Variants in ZNF638 observed in about 807,000 individuals in gnomAD.
ZNF638 encodes CTCL tumor antigen se33-1.
ZNF638 carries 46 observed loss-of-function variants against 195.6 expected under a neutral mutation model. That is an observed-to-expected ratio of 0.24 (90% confidence interval 0.19 to 0.30). The LOEUF is 0.30. ZNF638 is among the 10% of genes least tolerant of loss of function. ZNF638 has a pLI of 1.00. For missense variants in ZNF638, 2,440 were observed against 2,325.3 expected, an observed-to-expected ratio of 1.05 and a Z score of -1.01; for synonymous variants, 845 against 772.0, an observed-to-expected ratio of 1.09 and a Z score of -1.57.
intron 21 of ZNF638, among the ~76,000 whole-genome samples, chr2:71,421,439 T>A (rs1486753693): frequency 3.3e-5 from 5 of 152,098 alleles, no homozygotes; most frequent in African/African-American, 1.2e-4. Context: ...AGGTTTAGGG[T>A]CAAGAGGTAT....
At position 71,434,111 on chromosome 2, in the gene ZNF638, TC is replaced by T. The variant is rs1227244381; in HGVS notation, c.5872-629del. Among the ~76,000 whole-genome samples, 3 of 152,322 alleles carry T rather than the reference TC, an allele frequency of 2.0e-5. No individual in the cohort carries two copies. The East Asian group carries it at 5.8e-4, about 29-fold the overall frequency. On this transcript the variant is annotated intron_variant, in intron 27 of 27. Transcript: ENST00000264447. ...GCTTCATATTGCACTTGGTCTAATA[TC>T]CAAACTTCTTATTTTGGGTCTTCAA...
At chr2:71,331,964 C>A (rs373958735) in intron 1 of ZNF638, 89 bp downstream of exon 1, 2 of 977,974 alleles carry the variant, frequency 2.0e-6, no homozygotes, top group Non-Finnish European at 1.2e-6. Flanking sequence ...AGATCCGGGC[C>A]GACTATTGTA....
chr2:71,428,002 G>C (rs2080574312), intron 24 of ZNF638, among the ~76,000 whole-genome samples: 1 of 151,986 alleles, frequency 6.6e-6, no homozygotes, highest in African/African-American at 2.4e-5. Flanking sequence ...CACCAGTCTG[G>C]GCAGCCTAGC....
intron 10 of ZNF638, among the ~76,000 whole-genome samples, chr2:71,394,546 A>G (rs1430083763): frequency 2.6e-5 from 4 of 152,142 alleles, no homozygotes; most frequent in South Asian, 4.1e-4. Context: ...ATTAATTACA[A>G]TATATCTAAT....
At chr2:71,346,939 G>A (rs1053989107) in intron 1 of ZNF638, among the ~76,000 whole-genome samples, 3 of 152,126 alleles carry the variant, frequency 2.0e-5, no homozygotes, top group Admixed American at 6.5e-5. Context: ...CAGGAGAATG[G>A]CTTGAACCCA....
chr2:71,394,368 T>G (rs1308270936), intron 10 of ZNF638, among the ~76,000 whole-genome samples: 1 of 152,060 alleles, frequency 6.6e-6, no homozygotes, highest in African/African-American at 2.4e-5. Context: ...ATAACATAAT[T>G]CCAGTAACAA....
intron 25 of ZNF638, 166 bp downstream of exon 25, chr2:71,428,817 T>C: frequency 1.9e-6 from 1 of 530,446 alleles, no homozygotes; most frequent in Non-Finnish European, 3.4e-6. Flanking sequence ...ATCTTTGTAA[T>C]GTAGAGAGAA....
At chr2:71,340,071 A>G (rs2078738692) in intron 1 of ZNF638, among the ~76,000 whole-genome samples, 1 of 152,200 alleles carries the variant, frequency 6.6e-6, no homozygotes, top group African/African-American at 2.4e-5. Context: ...GTTCTCATGG[A>G]GATCTCTTAA....
intron 3 of ZNF638, among the ~76,000 whole-genome samples, 166 bp from the exon 4 acceptor site, chr2:71,362,987 A>G (rs1282521722): frequency 1.3e-5 from 2 of 152,166 alleles, no homozygotes; most frequent in Non-Finnish European, 2.9e-5. Context: ...TTTCCCTGAT[A>G]CACCTATTAG....
intron 3 of ZNF638, among the ~76,000 whole-genome samples, chr2:71,360,168 A>G (rs1019950399): frequency 6.6e-6 from 1 of 152,244 alleles, no homozygotes; most frequent in Non-Finnish European, 1.5e-5. Context: ...TTTTCAGAAT[A>G]AAATATTGAA....
intron 4 of ZNF638, 147 bp from the exon 5 acceptor site, chr2:71,363,806 CA>C: frequency 1.1e-6 from 1 of 944,534 alleles, no homozygotes; most frequent in East Asian, 2.7e-5. Context: ...TACATCATAA[CA>C]AACAGATTTT....
At chr2:71,406,580 G>A (rs2080109736) in intron 19 of ZNF638, among the ~76,000 whole-genome samples, 1 of 152,140 alleles carries the variant, frequency 6.6e-6, no homozygotes, top group Admixed American at 6.5e-5. Context: ...TATCTTTGTG[G>A]TCTTGGCTAA....
chr2:71,357,433 G>A (rs1185831391), intron 3 of ZNF638, among the ~76,000 whole-genome samples: 3 of 152,100 alleles, frequency 2.0e-5, no homozygotes, highest in South Asian at 2.1e-4. Context: ...AATTAGATAC[G>A]CCTTACTGCC....
chr2:71,382,569 C>A (rs1412705093), intron 10 of ZNF638, among the ~76,000 whole-genome samples: 1 of 152,032 alleles, frequency 6.6e-6, no homozygotes, highest in Non-Finnish European at 1.5e-5. Flanking sequence ...CGAGCTCTTA[C>A]CCAGTACTAA....
intron 2 of ZNF638, among the ~76,000 whole-genome samples, chr2:71,353,313 T>G (rs1368768924): frequency 6.6e-6 from 1 of 152,238 alleles, no homozygotes; most frequent in Non-Finnish European, 1.5e-5. Flanking sequence ...TGTGTCATAA[T>G]GACTGAAATA....
At chr2:71,433,415 G>A in intron 27 of ZNF638, 132 bp downstream of exon 27, 1 of 650,536 alleles carries the variant, frequency 1.5e-6, no homozygotes. Flanking sequence ...CTTAAGTCCT[G>A]TTTTCTCCTT....
rs549181880 is a variant in ZNF638 at position 71,428,455 on chromosome 2, G to A, written c.5546-92G>A. The A allele has an allele frequency of 4.3e-6, 5 of 1,172,608 alleles. No individual in the cohort carries two copies. In the East Asian group the frequency reaches 7.5e-5, roughly 18 times the overall value. The allele number at this position is 1,172,608 out of a possible 1,614,324, so 72.6% of individuals were successfully genotyped here. On this transcript the variant is annotated intron_variant, in intron 24 of 27. Coordinates refer to ENST00000264447, the MANE Select transcript of ZNF638 (RefSeq NM_014497.5). Reference sequence around the variant, plus strand: ...AAATTTGGGTATTTTTTGCAAAAATGTATAATGTTGATTCAGACAGTATAA... The same window carrying A: ...AAATTTGGGTATTTTTTGCAAAAATATATAATGTTGATTCAGACAGTATAA...
intron 1 of ZNF638, among the ~76,000 whole-genome samples, chr2:71,338,214 A>G (rs2078704552): frequency 6.6e-6 from 1 of 152,178 alleles, no homozygotes; most frequent in Non-Finnish European, 1.5e-5. Flanking sequence ...TACCTCTGTA[A>G]CACCCACTCA....
Position 71,364,072 on chromosome 2 carries a change from C to A in ZNF638, c.1537C>A (p.His513Asn), listed in dbSNP as rs767236263. Residue 513 changes from histidine (H) to asparagine (N), a missense_variant, in exon 5 of 28, where the codon CAT (histidine) becomes AAT (asparagine). This residue lies in a region of ZNF638 where 1,883 missense variants were observed against 1,739.1 expected (regional missense o/e 1.08). Transcript: ENST00000264447. ...HRFRRSRSPM[H>N]YMYRPRSRSP... ...ATTCCGTCGGTCTCGAAGCCCAATG[C>A]ATTACATGTATAGGCCGAGAAGTCG... 19 of 1,614,060 alleles carry A rather than the reference C, an allele frequency of 1.2e-5. No individual in the cohort carries two copies. The highest frequency in any genetic ancestry group is 1.5e-5 in the Non-Finnish European group (18 of 1,180,046).
Sources: gnomAD v4.1 joint callset for allele counts (sites outside exome capture counted in the v4.1 genomes callset) on GRCh38, gnomAD v4.1.1 for gene constraint, gnomAD v4.1.1 regional missense constraint, MANE v1.5 for transcripts, NCBI Gene and HGNC (gene_info 2026-07-23, HGNC 2026-07-21) for gene names.